NEXMIF: variants seen among roughly 807,000 people sequenced by gnomAD.
NEXMIF encodes the protein neurite extension and migration factor, also known as XLMR protein related to neurite extension.
In NEXMIF, 8 loss-of-function variants were observed where a neutral mutation model predicts 62.1. That is an observed-to-expected ratio of 0.13 (90% CI 0.08 to 0.23). NEXMIF has a LOEUF of 0.23. NEXMIF is among the 10% of genes least tolerant of loss of function. The pLI is 1.00. For missense variants in NEXMIF, 976 were observed against 1,113.3 expected, an observed-to-expected ratio of 0.88 and a Z score of 1.75; for synonymous variants, 404 against 416.6, an observed-to-expected ratio of 0.97 and a Z score of 0.37.
In NEXMIF at chrX:74,743,495, G is replaced by A. The variant is rs756923541; in HGVS notation, c.1062C>T (p.Ala354=). 12 of 1,209,286 alleles carry A rather than the reference G, an allele frequency of 9.9e-6. No individual in the cohort carries two copies. The Admixed American group carries it at 1.8e-4, about 18-fold the overall frequency. ...GGGAAAAATCACTGCTCTGCTTCAG[G>A]GCCCCACTCTTAGACTCTCGCTTGG... The part of the protein sequence containing the change: ...TCPKRESKSG[A]LKQSSDFSQF... The change falls in exon 3 of 4, where the codon GCC becomes GCT. Residue 354 remains alanine, a synonymous_variant. Transcript: ENST00000055682.
intron 1 of NEXMIF, among the ~76,000 whole-genome samples, chrX:74,752,396 T>G (rs2080147146): frequency 1.8e-5 from 2 of 110,961 alleles, no homozygotes; most frequent in Admixed American, 9.6e-5. Flanking sequence ...TTTGCCATCA[T>G]GTTCCTAGGC....
intron 1 of NEXMIF, among the ~76,000 whole-genome samples, chrX:74,757,129 T>C (rs778750040): frequency 8.9e-6 from 1 of 112,465 alleles, no homozygotes; most frequent in South Asian, 3.7e-4. Context: ...TCTAGTCATA[T>C]GCAGCTACTT....
At chrX:74,755,275 T>C (rs1464736926) in intron 1 of NEXMIF, among the ~76,000 whole-genome samples, 1 of 111,814 alleles carries the variant, frequency 8.9e-6, no homozygotes, top group Non-Finnish European at 1.9e-5. Context: ...TAAATACCTG[T>C]TTTATATGTT....
At chrX:74,913,671 C>G (rs1220721195) in intron 1 of NEXMIF, among the ~76,000 whole-genome samples, 1 of 109,628 alleles carries the variant, frequency 9.1e-6, no homozygotes, top group Non-Finnish European at 1.9e-5. Flanking sequence ...GAAATGACAC[C>G]CTAACTACAA....
chrX:74,883,743 C>A (rs1173914801), intron 1 of NEXMIF, among the ~76,000 whole-genome samples: 1 of 111,987 alleles, frequency 8.9e-6, no homozygotes, highest in Non-Finnish European at 1.9e-5. Flanking sequence ...TCCAGGAGAA[C>A]TTCCCCAATC....
chrX:74,751,709 C>A (rs2080144256), intron 1 of NEXMIF, among the ~76,000 whole-genome samples: 1 of 85,355 alleles, frequency 1.2e-5, no homozygotes, highest in Non-Finnish European at 2.3e-5. Flanking sequence ...TTCCTTCCTT[C>A]CTTTCCTTCC....
At chrX:74,909,033 C>A in intron 1 of NEXMIF, among the ~76,000 whole-genome samples, 1 of 111,483 alleles carries the variant, frequency 9.0e-6, no homozygotes, top group Non-Finnish European at 1.9e-5. Context: ...ACTTCTTTTT[C>A]TTCCCATTCT....
rs1299467395 is a variant in NEXMIF, at chrX:74,737,391, G to T, written c.*2014C>A. The T allele has an allele frequency of 8.9e-6, 1 of 111,740 alleles. No homozygotes were observed. Among genetic ancestry groups the T allele is most frequent in the Non-Finnish European group, 1.9e-5 (1 of 53,161 alleles). The allele number at this position is 111,740 out of a possible 1,213,427, so 9.2% of individuals were successfully genotyped here. ...TTCCCTTTTGAATGGTAGCTATGGG[G>T]CAGGAGACATGTTTCATCTGGTGCC... On this transcript the variant is annotated 3_prime_UTR_variant, in exon 4 of 4. Transcript: ENST00000055682.
At chrX:74,763,505 A>C (rs1055347599) in intron 1 of NEXMIF, among the ~76,000 whole-genome samples, 8 of 112,015 alleles carry the variant, frequency 7.1e-5, no homozygotes, top group African/African-American at 2.6e-4. Context: ...TCTGTGAAGA[A>C]AGTCATTGGT....
intron 1 of NEXMIF, among the ~76,000 whole-genome samples, chrX:74,832,888 A>T (rs1602243553): frequency 9.0e-6 from 1 of 111,361 alleles, no homozygotes; most frequent in African/African-American, 3.3e-5. Flanking sequence ...GGTCATTAGG[A>T]AGAACATTGT....
At chrX:74,749,522 C>A (rs1465140953) in intron 1 of NEXMIF, among the ~76,000 whole-genome samples, 1 of 110,830 alleles carries the variant, frequency 9.0e-6, no homozygotes, top group Non-Finnish European at 1.9e-5. Flanking sequence ...CCTCTCCACT[C>A]CCTTAATATT....
rs367929163 is a variant in NEXMIF at position 74,743,419 on chromosome X, A to G, written c.1138T>C (p.Leu380=). 5 of 1,208,708 alleles carry G rather than the reference A, an allele frequency of 4.1e-6. No homozygotes were observed. The African/African-American group carries it at 8.8e-5, about 21-fold the overall frequency. ...SIIWGEEDKN[L]DKKKGKEEGQ... ...TCCTCTTTGCCTTTCTTCTTGTCCA[A>G]GTTTTTATCTTCCTCCCCCCAGATG... Residue 380 remains leucine, a synonymous_variant, in exon 3 of 4, where the codon TTG becomes CTG. Transcript: ENST00000055682.
At chrX:74,891,044 C>T (rs890175030) in intron 1 of NEXMIF, among the ~76,000 whole-genome samples, 1 of 111,589 alleles carries the variant, frequency 9.0e-6, no homozygotes, top group African/African-American at 3.3e-5. Context: ...GAAAAGGGAG[C>T]GAGGAGGAGG....
At chrX:74,845,441 C>A (rs922321768) in intron 1 of NEXMIF, among the ~76,000 whole-genome samples, 3 of 111,359 alleles carry the variant, frequency 2.7e-5, no homozygotes, top group African/African-American at 9.8e-5. Flanking sequence ...GGGTTAGAAA[C>A]CCCAACCAAA....
chrX:74,860,325 C>A (rs753876909), intron 1 of NEXMIF, among the ~76,000 whole-genome samples: 27 of 112,019 alleles, frequency 2.4e-4, no homozygotes, highest in African/African-American at 7.8e-4. Flanking sequence ...TTCAACAAAT[C>A]ACTTTCAGCA....
At position 74,829,585 on chromosome X, in the gene NEXMIF, G is replaced by A. The variant is rs188286217; in HGVS notation, c.-47-83888C>T. On this transcript the variant is annotated intron_variant, in intron 1 of 3. Transcript: ENST00000055682. Reference sequence around the variant, plus strand: ...TATATACCCAGCAGTGGAATTGCTGGATCATATCATAGCCCTATTTGCATT... The same window carrying A: ...TATATACCCAGCAGTGGAATTGCTGAATCATATCATAGCCCTATTTGCATT... 7.5e-3 allele frequency among the ~76,000 whole-genome samples: 836 copies of A among 111,731 alleles called. 5 individuals are homozygous for A. The highest frequency in any genetic ancestry group is 0.012 in the Non-Finnish European group (625 of 53,046).
chrX:74,854,224 C>T (rs2147495824), intron 1 of NEXMIF, among the ~76,000 whole-genome samples: 1 of 112,196 alleles, frequency 8.9e-6, no homozygotes, highest in African/African-American at 3.2e-5. Flanking sequence ...AAAGATAATA[C>T]ACCATGATCA....
intron 1 of NEXMIF, among the ~76,000 whole-genome samples, chrX:74,854,126 A>C (rs1235648081): frequency 8.9e-6 from 1 of 111,933 alleles, no homozygotes; most frequent in Non-Finnish European, 1.9e-5. Flanking sequence ...TACAACAACA[A>C]CAAAAACTAC....
At chrX:74,857,362 C>T (rs767914580) in intron 1 of NEXMIF, among the ~76,000 whole-genome samples, 3 of 112,285 alleles carry the variant, frequency 2.7e-5, no homozygotes, top group African/African-American at 9.7e-5. Flanking sequence ...AGTCTTAGCA[C>T]CCCAGTTCCA....
Sources: gnomAD v4.1 joint callset for allele counts (sites outside exome capture counted in the v4.1 genomes callset) on GRCh38, gnomAD v4.1.1 for gene constraint, MANE v1.5 for transcripts, NCBI Gene and HGNC (gene_info 2026-07-23, HGNC 2026-07-21) for gene names.